The following ENPEP variants were observed in gnomAD, a reference collection of about 807,000 sequenced individuals.
ENPEP encodes the protein AP-A.
ENPEP carries 103 observed loss-of-function variants against 114.5 expected under a neutral mutation model. That is an observed-to-expected ratio of 0.90 (90% CI 0.77 to 1.06). ENPEP has a LOEUF of 1.06. Ranked by LOEUF, ENPEP falls within the 50% of genes least tolerant of loss-of-function variation. ENPEP has a pLI of 0.00. For missense variants in ENPEP, 1,196 were observed against 1,161.3 expected, an observed-to-expected ratio of 1.03 and a Z score of -0.43; for synonymous variants, 420 against 422.0, an observed-to-expected ratio of 1.00 and a Z score of 0.06.
chr4:110,478,395 T>C (rs1724191668), intron 1 of ENPEP, among the ~76,000 whole-genome samples: 1 of 150,372 alleles, frequency 6.7e-6, no homozygotes, highest in South Asian at 2.1e-4. Context: ...ATTACATCAT[T>C]GAAAGCATAA....
Position 110,510,375 on chromosome 4 carries a change from TA to T in ENPEP, c.1308+20del. 6.3e-7 allele frequency: 1 copy of T among 1,588,020 alleles called. No individual in the cohort carries two copies. Among genetic ancestry groups the T allele is most frequent in the Non-Finnish European group, 8.6e-7 (1 of 1,156,422 alleles). The stretch of plus-strand genomic sequence containing the variant: ...TGGCAAATGGTGAGTCCTAAACACA[TA>T]AACTTGAAATCTCTCTTTTCCTCAT... On this transcript the variant is annotated intron_variant, in intron 6 of 19. Transcript: ENST00000265162.
At chr4:110,517,463 T>C (rs908803528) in intron 8 of ENPEP, among the ~76,000 whole-genome samples, 1 of 152,242 alleles carries the variant, frequency 6.6e-6, no homozygotes, top group Non-Finnish European at 1.5e-5. Context: ...AATTAAATTG[T>C]AATTAATAAA....
chr4:110,507,680 AAATCAGAAT>A (rs1320643569), intron 4 of ENPEP, among the ~76,000 whole-genome samples: 1 of 152,242 alleles, frequency 6.6e-6, no homozygotes, highest in Non-Finnish European at 1.5e-5. Context: ...GTTTTCATCA[AAATCAGAAT>A]ATTGGGCCAG....
intron 1 of ENPEP, among the ~76,000 whole-genome samples, chr4:110,479,304 C>T (rs1032684149): frequency 6.6e-6 from 1 of 152,086 alleles, no homozygotes; most frequent in African/African-American, 2.4e-5. Context: ...TTCACTTTTC[C>T]ATTAAATATG....
intron 3 of ENPEP, among the ~76,000 whole-genome samples, chr4:110,493,521 C>A (rs1724803602): frequency 6.6e-6 from 1 of 152,142 alleles, no homozygotes; most frequent in South Asian, 2.1e-4. Flanking sequence ...ATGCCACTTT[C>A]CCCTTCCTCC....
chr4:110,522,141 G>T (rs904630089), intron 10 of ENPEP, among the ~76,000 whole-genome samples: 1 of 151,808 alleles, frequency 6.6e-6, no homozygotes, highest in Non-Finnish European at 1.5e-5. Flanking sequence ...GCCTCCCAAA[G>T]TGCTGGGATT....
intron 1 of ENPEP, among the ~76,000 whole-genome samples, chr4:110,477,296 G>T (rs1282061296): frequency 6.6e-6 from 1 of 152,134 alleles, no homozygotes; most frequent in Non-Finnish European, 1.5e-5. Flanking sequence ...GTCAGTGTAA[G>T]TCTTTTATTC....
At chr4:110,492,912 A>C (rs1462997996) in intron 3 of ENPEP, among the ~76,000 whole-genome samples, 1 of 152,230 alleles carries the variant, frequency 6.6e-6, no homozygotes. Context: ...TCCCATACCA[A>C]GTTTTAAAAA....
rs1448496272 is a variant in ENPEP at position 110,538,092 on chromosome 4, T to C, written c.1808-4659T>C. On this transcript the variant is annotated intron_variant, in intron 11 of 19. Coordinates refer to ENST00000265162, the MANE Select transcript of ENPEP (RefSeq NM_001977.4). The stretch of plus-strand genomic sequence containing the variant: ...TAGGATTTTTGGAATGGTAAATGAG[T>C]ATTGGCTTTAATTTAAAGTTACCAG... Among the ~76,000 whole-genome samples, 5 of 152,060 alleles carry C rather than the reference T, an allele frequency of 3.3e-5. No individual in the cohort carries two copies. The East Asian group carries it at 7.7e-4, about 23-fold the overall frequency.
At chr4:110,508,622 T>C (rs543822717) in intron 4 of ENPEP, among the ~76,000 whole-genome samples, 8 of 152,134 alleles carry the variant, frequency 5.3e-5, no homozygotes, top group South Asian at 2.1e-4. Flanking sequence ...CCATCCTGGC[T>C]AACACGGTGA....
At position 110,476,912 on chromosome 4, in the gene ENPEP, GGA is replaced by G; in HGVS notation, c.500_501del (p.Glu167ValfsTer38). The G allele has an allele frequency of 6.2e-7, 1 of 1,614,200 alleles. No individual in the cohort carries two copies. Among genetic ancestry groups the G allele is most frequent in the Non-Finnish European group, 8.5e-7 (1 of 1,180,038 alleles). On this transcript the variant is annotated frameshift_variant, in exon 1 of 20. Coordinates refer to ENST00000265162, the MANE Select transcript of ENPEP (RefSeq NM_001977.4). LOFTEE classifies it high-confidence loss of function. ...GGAGGTGTTTCGAGTACAAAAAGCA[GGA>G]GTACGTGGTGGTCGAGGCGGAGGAA... ...VRRCFEYKKQ[E>X]YVVVEAEEEL...
chr4:110,500,977 C>G (rs987897124), intron 3 of ENPEP, among the ~76,000 whole-genome samples: 6 of 152,046 alleles, frequency 3.9e-5, no homozygotes, highest in Admixed American at 1.3e-4. Flanking sequence ...GGCATCAGCA[C>G]AAGGGAGGAT....
At chr4:110,511,408 A>T (rs1454727588) in intron 6 of ENPEP, among the ~76,000 whole-genome samples, 2 of 152,108 alleles carry the variant, frequency 1.3e-5, no homozygotes, top group Non-Finnish European at 2.9e-5. Flanking sequence ...CCCTGTTGTG[A>T]CAACTAAAAA....
In ENPEP at chr4:110,558,032, A is replaced by ATTTTTT. The variant is rs201439917; in HGVS notation, c.2643-1605_2643-1600dup. Among the ~76,000 whole-genome samples the ATTTTTT allele has an allele frequency of 4.6e-4, 47 of 103,200 alleles. 2 individuals carry two copies. The highest frequency in any genetic ancestry group is 1.9e-3 in the African/African-American group (44 of 23,216). The allele number at this position is 103,200 out of a possible 152,430, so 67.7% of individuals were successfully genotyped here. A position where few individuals can be genotyped will look rare whatever the true frequency, so the allele number is the denominator to read the frequency against. On this transcript the variant is annotated intron_variant, in intron 18 of 19. Coordinates refer to ENST00000265162, the MANE Select transcript of ENPEP (RefSeq NM_001977.4). ...GGCTTCTAATTTTGTATATGGTAGG[A>ATTTTTT]TTTTTTTTTTTTTTTGTATAAAACT...
chr4:110,509,649 A>G lies in ENPEP; in HGVS notation c.1040-4A>G, dbSNP rs371239181. On this transcript the variant is annotated splice_polypyrimidine_tract_variant and splice_region_variant and intron_variant, in intron 4 of 19. Transcript: ENST00000265162. ...TTCTCACTGGACTCTTTCTTCTTCT[A>G]TAGATAAAATCGCTATTCCAGATTT... The G allele has an allele frequency of 3.1e-6, 5 of 1,610,660 alleles. No homozygotes were observed. In the African/African-American group the frequency reaches 4.0e-5, roughly 13 times the overall value.
At chr4:110,510,923 T>G (rs146287696) in intron 6 of ENPEP, among the ~76,000 whole-genome samples, 6 of 152,210 alleles carry the variant, frequency 3.9e-5, no homozygotes, top group African/African-American at 1.4e-4. Flanking sequence ...TCTTGTAAGC[T>G]TAAAAGCTCC....
At chr4:110,554,779 T>C (rs958736523) in intron 18 of ENPEP, among the ~76,000 whole-genome samples, 4 of 152,014 alleles carry the variant, frequency 2.6e-5, no homozygotes, top group African/African-American at 9.7e-5. Flanking sequence ...TTTTCTGTGG[T>C]GTATGGTGCA....
chr4:110,503,068 C>T (rs997310217), intron 3 of ENPEP, among the ~76,000 whole-genome samples: 5 of 152,094 alleles, frequency 3.3e-5, no homozygotes, highest in Non-Finnish European at 7.3e-5. Context: ...CCCCACCCCA[C>T]GACAGGCCCT....
At chr4:110,538,301 T>A (rs779289238) in intron 11 of ENPEP, among the ~76,000 whole-genome samples, 2 of 152,244 alleles carry the variant, frequency 1.3e-5, no homozygotes, top group African/African-American at 4.8e-5. Context: ...ATCTTCTTAT[T>A]AACTTGCTTT....
Sources: allele counts gnomAD v4.1 joint callset (sites outside exome capture counted in the v4.1 genomes callset), GRCh38; gene constraint gnomAD v4.1.1; transcripts MANE v1.5; gene names NCBI Gene and HGNC (gene_info 2026-07-23, HGNC 2026-07-21).